SLC9A9: variants seen among roughly 807,000 people sequenced by gnomAD.
SLC9A9 encodes solute carrier family 9 member A9.
Under a neutral mutation model 77.8 loss-of-function variants are expected in SLC9A9, and 62 were observed. The ratio of observed to expected loss-of-function variants is 0.80; its 90% confidence interval spans 0.65 to 0.98. SLC9A9 has a LOEUF of 0.98. Ranked by LOEUF, SLC9A9 falls within the 50% of genes least tolerant of loss-of-function variation. The pLI is 0.00. For synonymous variants in SLC9A9, 320 were observed against 283.5 expected, an observed-to-expected ratio of 1.13 and a Z score of -1.29; for missense variants, 775 against 774.9, an observed-to-expected ratio of 1.00 and a Z score of 0.00.
chr3:143,561,411 A>G (rs1418473799), intron 8 of SLC9A9, among the ~76,000 whole-genome samples: 2 of 152,174 alleles, frequency 1.3e-5, no homozygotes, highest in Non-Finnish European at 2.9e-5. Flanking sequence ...AAGGGGCATA[A>G]AAATAGACCC....
chr3:143,746,094 C>T (rs1379914799), intron 4 of SLC9A9, among the ~76,000 whole-genome samples: 5 of 152,060 alleles, frequency 3.3e-5, no homozygotes, highest in Admixed American at 2.6e-4. Flanking sequence ...AGGTCATGTG[C>T]AGCCCAGTAG....
Position 143,746,430 on chromosome 3 carries a change from C to T in SLC9A9, c.533+48571G>A, listed in dbSNP as rs555915346. On this transcript the variant is annotated intron_variant, in intron 4 of 15. Coordinates refer to ENST00000316549, the MANE Select transcript of SLC9A9 (RefSeq NM_173653.4). ...CACAGCACTTAATACACTGTATTTT[C>T]GTTTACTTAATTGTTTGTTTCTATG... Among the ~76,000 whole-genome samples, 6 of 152,208 alleles carry T rather than the reference C, an allele frequency of 3.9e-5. No individual in the cohort carries two copies. In the South Asian group the frequency reaches 6.2e-4, roughly 16 times the overall value.
At chr3:143,761,289 C>T (rs1182920743) in intron 4 of SLC9A9, among the ~76,000 whole-genome samples, 2 of 152,170 alleles carry the variant, frequency 1.3e-5, no homozygotes, top group Non-Finnish European at 2.9e-5. Context: ...GAGGCAAGGA[C>T]TTCATGTCTA....
intron 5 of SLC9A9, among the ~76,000 whole-genome samples, chr3:143,673,335 T>C (rs945562455): frequency 4.6e-5 from 7 of 152,186 alleles, no homozygotes; most frequent in African/African-American, 1.7e-4. Flanking sequence ...AGGCATATTC[T>C]GTGTCCATGC....
chr3:143,322,153 C>T (rs2031443056), intron 14 of SLC9A9, among the ~76,000 whole-genome samples: 2 of 152,120 alleles, frequency 1.3e-5, no homozygotes, highest in East Asian at 3.8e-4. Flanking sequence ...ATTAACTTGA[C>T]AGGGACATGA....
chr3:143,724,855 T>C lies in SLC9A9; in HGVS notation c.534-31548A>G, dbSNP rs187342741. Among the ~76,000 whole-genome samples, 32 of 152,242 alleles carry C rather than the reference T, an allele frequency of 2.1e-4. No homozygotes were observed. In the East Asian group the frequency reaches 6.2e-3, roughly 29 times the overall value. ...TCCTAGGGACTAGAGCAGTCACCCC[T>C]CACATATAACATCAAAGGTAGGATG... On this transcript the variant is annotated intron_variant, in intron 4 of 15. Coordinates refer to ENST00000316549, the MANE Select transcript of SLC9A9 (RefSeq NM_173653.4).
intron 5 of SLC9A9, among the ~76,000 whole-genome samples, chr3:143,686,651 C>A (rs1276636503): frequency 1.3e-5 from 2 of 152,086 alleles, no homozygotes; most frequent in Non-Finnish European, 2.9e-5. Flanking sequence ...CTTTATCCAC[C>A]TACCCGATAT....
At chr3:143,736,467 C>A (rs1934943715) in intron 4 of SLC9A9, among the ~76,000 whole-genome samples, 3 of 152,112 alleles carry the variant, frequency 2.0e-5, no homozygotes, top group Non-Finnish European at 2.9e-5. Context: ...AAGATAAAAT[C>A]CTGACCTCCT....
intron 4 of SLC9A9, among the ~76,000 whole-genome samples, chr3:143,696,136 G>T (rs898170732): frequency 6.6e-6 from 1 of 152,130 alleles, no homozygotes; most frequent in Non-Finnish European, 1.5e-5. Flanking sequence ...CTGTTCAGAA[G>T]CTCTTTAATT....
At chr3:143,837,495 T>C (rs1164766665) in intron 1 of SLC9A9, among the ~76,000 whole-genome samples, 2 of 152,160 alleles carry the variant, frequency 1.3e-5, no homozygotes, top group African/African-American at 4.8e-5. Context: ...CATCGCCAAT[T>C]CTCTAAAATA....
intron 4 of SLC9A9, among the ~76,000 whole-genome samples, chr3:143,714,553 T>C (rs76977535): frequency 0.022 from 3,356 of 152,314 alleles, 46 homozygotes; most frequent in South Asian, 0.076. Flanking sequence ...GCCAGAATGG[T>C]TATTTTAAAA....
chr3:143,538,529 G>C (rs537963775), intron 9 of SLC9A9, among the ~76,000 whole-genome samples: 1 of 152,242 alleles, frequency 6.6e-6, no homozygotes, highest in South Asian at 2.1e-4. Context: ...TTTCTTTTGT[G>C]GCCCTAGGGA....
intron 6 of SLC9A9, among the ~76,000 whole-genome samples, chr3:143,595,552 T>C (rs940818713): frequency 2.0e-5 from 3 of 152,242 alleles, no homozygotes; most frequent in Non-Finnish European, 4.4e-5. Context: ...TGTATTCCTC[T>C]TGAGTCTCTC....
chr3:143,665,885 C>A (rs1295802979), intron 5 of SLC9A9, among the ~76,000 whole-genome samples: 2 of 152,118 alleles, frequency 1.3e-5, no homozygotes, highest in African/African-American at 4.8e-5. Context: ...GATTCACAGA[C>A]GAATTCTACC....
intron 4 of SLC9A9, among the ~76,000 whole-genome samples, chr3:143,763,319 A>G (rs1163624406): frequency 2.0e-5 from 3 of 152,180 alleles, no homozygotes; most frequent in African/African-American, 7.2e-5. Context: ...TTAGAAATTT[A>G]CATCCCTCTA....
At chr3:143,621,660 G>A (rs1338895435) in intron 6 of SLC9A9, among the ~76,000 whole-genome samples, 2 of 152,072 alleles carry the variant, frequency 1.3e-5, no homozygotes, top group Non-Finnish European at 2.9e-5. Context: ...CCACAAAGAT[G>A]GGGAAAAAAC....
intron 4 of SLC9A9, among the ~76,000 whole-genome samples, chr3:143,733,915 G>T (rs778832230): frequency 3.3e-5 from 5 of 152,164 alleles, no homozygotes; most frequent in Non-Finnish European, 5.9e-5. Flanking sequence ...AAAACCTTGA[G>T]ACTGGGCACA....
intron 12 of SLC9A9, among the ~76,000 whole-genome samples, chr3:143,431,423 T>A (rs997903587): frequency 2.6e-5 from 4 of 151,942 alleles, no homozygotes; most frequent in Admixed American, 6.6e-5. Flanking sequence ...GCAGAGGAGT[T>A]CTTTCAAATT....
intron 12 of SLC9A9, among the ~76,000 whole-genome samples, chr3:143,461,055 A>G (rs890744631): frequency 3.9e-5 from 6 of 152,208 alleles, no homozygotes; most frequent in African/African-American, 1.4e-4. Context: ...AATTGATACA[A>G]AGTATACAAA....
Sources: gnomAD v4.1 joint callset for allele counts (sites outside exome capture counted in the v4.1 genomes callset) on GRCh38, gnomAD v4.1.1 for gene constraint, MANE v1.5 for transcripts, NCBI Gene and HGNC (gene_info 2026-07-23, HGNC 2026-07-21) for gene names.